Variants in PAM observed in about 807,000 individuals in gnomAD.
PAM encodes the protein peptidyl-glycine alpha-amidating monooxygenase.
A neutral mutation model predicts 122.1 loss-of-function variants in PAM; 72 were observed. The ratio of observed to expected loss-of-function variants is 0.59; its 90% CI spans 0.49 to 0.72. The LOEUF is 0.72. Among genes scored for constraint, PAM ranks in the 30% least tolerant of loss-of-function variants. The pLI, the probability that PAM is intolerant of heterozygous loss-of-function variation, is 0.00. For synonymous variants in PAM, 389 were observed against 404.4 expected (o/e 0.96, Z 0.46); for missense variants, 1,106 against 1,183.7 (o/e 0.93, Z 0.96).
At chr5:102,861,697 G>A (rs1050199697) in intron 1 of PAM, among the ~76,000 whole-genome samples, 4 of 152,176 alleles carry the variant, frequency 2.6e-5, no homozygotes, top group African/African-American at 9.7e-5. Flanking sequence ...TTGAGGTTAT[G>A]TAGTAGAACA....
At chr5:102,809,597 A>G (rs1041809649) in intron 1 of PAM, among the ~76,000 whole-genome samples, 2 of 152,164 alleles carry the variant, frequency 1.3e-5, no homozygotes, top group South Asian at 4.1e-4. Context: ...CTCCCTAGAG[A>G]AATGTCTAAA....
intron 1 of PAM, among the ~76,000 whole-genome samples, chr5:102,825,649 A>T (rs1044205500): frequency 3.9e-5 from 6 of 152,140 alleles, no homozygotes; most frequent in African/African-American, 1.4e-4. Flanking sequence ...TGAAAATACT[A>T]CTTCAATCCT....
At chr5:102,890,610 T>C (rs887223663) in intron 3 of PAM, among the ~76,000 whole-genome samples, 3 of 151,940 alleles carry the variant, frequency 2.0e-5, no homozygotes, top group African/African-American at 7.2e-5. Context: ...TCTAATTATA[T>C]ATTGATGATA....
At chr5:102,896,677 T>C (rs1796307272) in intron 3 of PAM, among the ~76,000 whole-genome samples, 1 of 151,684 alleles carries the variant, frequency 6.6e-6, no homozygotes, top group Non-Finnish European at 1.5e-5. Flanking sequence ...ACTATGACTG[T>C]TTCTTCCACA....
intron 7 of PAM, among the ~76,000 whole-genome samples, chr5:102,930,628 G>T (rs1379418044): frequency 1.3e-5 from 2 of 152,132 alleles, no homozygotes; most frequent in African/African-American, 4.8e-5. Flanking sequence ...TCCTTGCTAG[G>T]ACTTGATTCC....
intron 1 of PAM, among the ~76,000 whole-genome samples, chr5:102,846,937 T>C (rs774057041): frequency 6.6e-6 from 1 of 152,170 alleles, no homozygotes; most frequent in African/African-American, 2.4e-5. Context: ...AGGGAGAGAT[T>C]TTTGGATGGA....
intron 16 of PAM, among the ~76,000 whole-genome samples, chr5:102,995,256 C>T (rs1178637592): frequency 2.0e-5 from 3 of 152,056 alleles, no homozygotes; most frequent in Non-Finnish European, 4.4e-5. Context: ...AGGGGTTCTA[C>T]AAAAAAGAAT....
chr5:102,913,962 T>G lies in PAM; in HGVS notation c.297T>G (p.Asp99Glu), dbSNP rs2151573816. Residue 99 changes from aspartate (D) to glutamate (E), a missense_variant, in exon 5 of 26, where the codon GAT becomes GAG. Physicochemically the swap from Asp to Glu is conservative, Grantham distance 45 (BLOSUM62 2). Transcript: ENST00000438793. Reference sequence around the variant, plus strand: ...ACTTCAAGCCTCGAGCCAGCATGGATACTGTCCATCACATGTTACTTTTTG... The same window carrying G: ...ACTTCAAGCCTCGAGCCAGCATGGAGACTGTCCATCACATGTTACTTTTTG... Reference protein sequence around the residue: ...VIDFKPRASMDTVHHMLLFGC... With the variant: ...VIDFKPRASMETVHHMLLFGC... 1 of 1,607,370 alleles carries G rather than the reference T, an allele frequency of 6.2e-7. No individual in the cohort carries two copies. The highest frequency in any genetic ancestry group is 2.2e-5 in the East Asian group (1 of 44,808).
At chr5:102,915,515 G>A (rs541730349) in intron 5 of PAM, among the ~76,000 whole-genome samples, 29 of 152,166 alleles carry the variant, frequency 1.9e-4, no homozygotes, top group African/African-American at 5.3e-4. Context: ...CAACATTCCC[G>A]TTTATACTCT....
At chr5:102,846,589 A>T (rs924584820) in intron 1 of PAM, among the ~76,000 whole-genome samples, 2 of 152,280 alleles carry the variant, frequency 1.3e-5, no homozygotes, top group Admixed American at 6.5e-5. Flanking sequence ...GAAACCCACA[A>T]ATAAAAAGTG....
intron 16 of PAM, among the ~76,000 whole-genome samples, chr5:102,993,364 C>G (rs943730148): frequency 6.6e-6 from 1 of 152,062 alleles, no homozygotes; most frequent in Non-Finnish European, 1.5e-5. Flanking sequence ...GTCTTAAAAT[C>G]GCCACCCCAC....
At chr5:102,979,241 G>T (rs948977704) in intron 15 of PAM, among the ~76,000 whole-genome samples, 5 of 152,026 alleles carry the variant, frequency 3.3e-5, no homozygotes, top group African/African-American at 1.2e-4. Context: ...TGCAATTAAA[G>T]AAATTTTAAA....
chr5:102,960,291 C>G (rs1451181364), intron 13 of PAM, among the ~76,000 whole-genome samples: 4 of 151,936 alleles, frequency 2.6e-5, no homozygotes, highest in African/African-American at 9.7e-5. Context: ...GAAACAGATT[C>G]ATTTTGGGAC....
intron 1 of PAM, among the ~76,000 whole-genome samples, chr5:102,796,271 A>G (rs1056916577): frequency 6.6e-6 from 1 of 152,150 alleles, no homozygotes; most frequent in Non-Finnish European, 1.5e-5. Context: ...CCTGCAATCC[A>G]TGTTAGGAAC....
At chr5:102,976,122 TA>T (rs1190357230) in intron 15 of PAM, among the ~76,000 whole-genome samples, 1 of 152,146 alleles carries the variant, frequency 6.6e-6, no homozygotes, top group African/African-American at 2.4e-5. Flanking sequence ...CTGACGTGAA[TA>T]ACATGAGTCA....
chr5:103,015,756 G>T (rs977678985), intron 21 of PAM, among the ~76,000 whole-genome samples: 2 of 152,028 alleles, frequency 1.3e-5, no homozygotes, highest in Admixed American at 1.3e-4. Context: ...TGGGACCAAG[G>T]TTCTGCTATA....
At chr5:102,794,677 G>T (rs1317458627) in intron 1 of PAM, among the ~76,000 whole-genome samples, 1 of 152,088 alleles carries the variant, frequency 6.6e-6, no homozygotes, top group African/African-American at 2.4e-5. Flanking sequence ...ATTAAATAGA[G>T]ATTATCAGCT....
At position 102,983,446 on chromosome 5, in the gene PAM, C is replaced by CAAAAAAAA. The variant is rs70990421; in HGVS notation, c.1484-6817_1484-6810dup. 4.9e-3 allele frequency among the ~76,000 whole-genome samples: 506 copies of CAAAAAAAA among 103,520 alleles called. 13 individuals are homozygous for CAAAAAAAA. Among genetic ancestry groups the CAAAAAAAA allele is most frequent in the African/African-American group, 0.017 (477 of 27,480 alleles). 67.9% of individuals were successfully genotyped at this position (103,520 alleles called of 152,430 possible). A position where few individuals can be genotyped will look rare whatever the true frequency, so the allele number is the denominator to read the frequency against. On this transcript the variant is annotated intron_variant, in intron 15 of 25. Coordinates refer to ENST00000438793, the MANE Select transcript of PAM (RefSeq NM_001177306.2). ...TCCTGGATGACAGAGTGAGACTGTC[C>CAAAAAAAA]AAAAAAAAAAAAAAAATCCTGAGAT...
At position 102,860,687 on chromosome 5, in the gene PAM, CA is replaced by C. The variant is rs533419595; in HGVS notation, c.-373-5125del. On this transcript the variant is annotated intron_variant, in intron 1 of 25. Transcript: ENST00000438793. ...GGCAACAGAGCGTGAGACCCTGTCTCAAAAAAAAAAATAATAAAATAACCGC... is the reference window on the plus strand; with the variant it reads ...GGCAACAGAGCGTGAGACCCTGTCTCAAAAAAAAAATAATAAAATAACCGC... 2.8e-3 allele frequency among the ~76,000 whole-genome samples: 385 copies of C among 136,372 alleles called. 6 individuals carry two copies. Among genetic ancestry groups the C allele is most frequent in the African/African-American group, 5.2e-3 (198 of 37,946 alleles). The allele number at this position is 136,372 out of a possible 152,430, so 89.5% of individuals were successfully genotyped here.
Sources: gnomAD v4.1 joint callset for allele counts (sites outside exome capture counted in the v4.1 genomes callset) on GRCh38, gnomAD v4.1.1 for gene constraint, MANE v1.5 for transcripts, NCBI Gene and HGNC (gene_info 2026-07-23, HGNC 2026-07-21) for gene names.